Variants in TUBGCP2 observed in about 807,000 individuals in gnomAD.
TUBGCP2 encodes tubulin gamma complex component 2, also known as gamma-tubulin complex component 2.
Under a neutral mutation model 92.2 loss-of-function variants are expected in TUBGCP2, and 55 were observed. That is an observed-to-expected ratio of 0.60 (90% confidence interval 0.48 to 0.75). The LOEUF is 0.75. Among genes scored for constraint, TUBGCP2 ranks in the 30% least tolerant of loss-of-function variants. The pLI, the probability that TUBGCP2 is intolerant of heterozygous loss-of-function variation, is 0.00. For synonymous variants in TUBGCP2, 533 were observed against 505.2 expected, an observed-to-expected ratio of 1.06 and a Z score of -0.74; for missense variants, 1,093 against 1,188.9, an observed-to-expected ratio of 0.92 and a Z score of 1.19.
chr10:133,293,602 T>C lies in TUBGCP2; in HGVS notation c.784A>G (p.Arg262Gly). ...TAGCTGGCGGCCACTGGGAGGATCC[T>C]GTGCACCAGCTCCCTGATGGACAGG... ...LDLSIRELVH[R>G]ILPVAASYSA... Residue 262 changes from arginine to glycine, a missense_variant, in exon 6 of 18, where the codon AGG becomes GGG. This residue lies in a region of TUBGCP2 where 490 missense variants were observed against 488.5 expected (regional missense o/e 1.00). Coordinates refer to ENST00000252936, the MANE Select transcript of TUBGCP2 (RefSeq NM_006659.4). 1 of 1,559,952 alleles carries C rather than the reference T, an allele frequency of 6.4e-7. No individual in the cohort carries two copies.
At chr10:133,289,519 G>A (rs1446357094) in intron 9 of TUBGCP2, among the ~76,000 whole-genome samples, 7 of 152,154 alleles carry the variant, frequency 4.6e-5, no homozygotes, top group Middle Eastern at 3.2e-3. Flanking sequence ...ACATGCTAGC[G>A]GAGTTTTAGA....
At chr10:133,292,809 G>A (rs960817725) in intron 7 of TUBGCP2, 121 bp from the exon 8 acceptor site, 8 of 1,275,382 alleles carry the variant, frequency 6.3e-6, no homozygotes, top group Non-Finnish European at 7.5e-6. Flanking sequence ...CTGCTTCTTT[G>A]GGATACGTAT....
At chr10:133,301,506 C>A (rs752615960) in intron 2 of TUBGCP2, among the ~76,000 whole-genome samples, 1 of 152,120 alleles carries the variant, frequency 6.6e-6, no homozygotes, top group Non-Finnish European at 1.5e-5. Context: ...CTATTCCACT[C>A]GGCTAATTTG....
At position 133,293,741 on chromosome 10, in the gene TUBGCP2, C is replaced by T. The variant is rs923883017; in HGVS notation, c.645G>A (p.Ser215=). 23 of 1,597,188 alleles carry T rather than the reference C, an allele frequency of 1.4e-5. No individual in the cohort carries two copies. Among genetic ancestry groups the T allele is most frequent in the Non-Finnish European group, 1.8e-5 (21 of 1,173,030 alleles). ...IGTLPLASQE[S]AVVEDLLYVL... ...CGTACAGCAGGTCCTCCACCACGGC[C>T]GACTCCTGCGAGGCCAGGGGCAACG... Residue 215 remains serine, a synonymous_variant, in exon 6 of 18, where the codon TCG becomes TCA. Coordinates refer to ENST00000252936, the MANE Select transcript of TUBGCP2 (RefSeq NM_006659.4).
chr10:133,299,318 T>C (rs1847572219), intron 4 of TUBGCP2, 109 bp downstream of exon 4: 11 of 895,744 alleles, frequency 1.2e-5, no homozygotes, highest in Non-Finnish European at 1.6e-5. Context: ...CAGAGAGACA[T>C]GTCCTTCCAG....
In TUBGCP2 at chr10:133,289,868, A is replaced by G; in HGVS notation, c.1316T>C (p.Ile439Thr). The change falls in exon 9 of 18, where the codon ATC becomes ACC. Residue 439 changes from isoleucine (I) to threonine (T), a missense_variant. Around this residue, in one of 3 missense-constraint regions of TUBGCP2, gnomAD observed 598 missense variants for 675.5 expected, o/e 0.89. Coordinates refer to ENST00000252936, the MANE Select transcript of TUBGCP2 (RefSeq NM_006659.4). Reference sequence around the variant, plus strand: ...CGCCATTTTCTGCAGGAAGGACGGGATCTGCTGCTGGACGATGGTGTACCG... The same window carrying G: ...CGCCATTTTCTGCAGGAAGGACGGGGTCTGCTGCTGGACGATGGTGTACCG... ...DQRYTIVQQQ[I>T]PSFLQKMADK... 1 of 1,491,426 alleles carries G rather than the reference A, an allele frequency of 6.7e-7. No individual in the cohort carries two copies. Among genetic ancestry groups the G allele is most frequent in the Non-Finnish European group, 8.9e-7 (1 of 1,119,688 alleles). The allele number at this position is 1,491,426 out of a possible 1,614,324, so 92.4% of individuals were successfully genotyped here. A position where few individuals can be genotyped will look rare whatever the true frequency, so the allele number is the denominator to read the frequency against.
chr10:133,297,202 G>A, intron 5 of TUBGCP2: 1 of 301,322 alleles, frequency 3.3e-6, no homozygotes, highest in South Asian at 2.6e-5. Context: ...AGGAGTTCGA[G>A]ACCAGTCTGG....
chr10:133,304,965 C>T lies in TUBGCP2; in HGVS notation c.-39-1985G>A, dbSNP rs115391503. ...CCTTGCCAAGCGGACCTTGGTCTAG[C>T]GGTAGTGTCAGTGTCAAGGAAAAAC... On this transcript the variant is annotated intron_variant, in intron 1 of 17. Transcript: ENST00000252936. Among the ~76,000 whole-genome samples the T allele has an allele frequency of 5.2e-3, 787 of 152,156 alleles. 8 individuals carry two copies. Among genetic ancestry groups the T allele is most frequent in the African/African-American group, 0.017 (715 of 41,504 alleles).
intron 1 of TUBGCP2, among the ~76,000 whole-genome samples, chr10:133,307,033 G>A (rs776654433): frequency 2.0e-5 from 3 of 152,260 alleles, no homozygotes; most frequent in Non-Finnish European, 4.4e-5. Context: ...GGGTGCTCTC[G>A]CTACTTAGAG....
intron 14 of TUBGCP2, 74 bp from the exon 15 acceptor site, chr10:133,283,295 G>C (rs1847037556): frequency 6.3e-7 from 1 of 1,595,954 alleles, no homozygotes; most frequent in Admixed American, 1.7e-5. Flanking sequence ...CACGTGCTCA[G>C]TTCTGGCTTT....
chr10:133,310,325 G>A (rs1391912063), upstream of TUBGCP2: 23 of 1,611,270 alleles, frequency 1.4e-5, no homozygotes, highest in Admixed American at 3.7e-4. Context: ...GTCTGCTTTT[G>A]ATTTTAGGAA....
intron 2 of TUBGCP2, among the ~76,000 whole-genome samples, chr10:133,301,477 CAT>C (rs1204056804): frequency 6.6e-6 from 1 of 152,134 alleles, no homozygotes; most frequent in African/African-American, 2.4e-5. Context: ...ATGAACTAAA[CAT>C]GGGTGTCCCC....
intron 15 of TUBGCP2, among the ~76,000 whole-genome samples, chr10:133,282,718 C>T (rs1472062912): frequency 2.6e-5 from 4 of 152,224 alleles, no homozygotes; most frequent in African/African-American, 9.6e-5. Flanking sequence ...TCTGCACCAT[C>T]GCCAGTCGGC....
chr10:133,291,993 C>T (rs1360435824), intron 8 of TUBGCP2, among the ~76,000 whole-genome samples: 1 of 21,976 alleles, frequency 4.6e-5, no homozygotes, highest in Non-Finnish European at 9.7e-5. Context: ...CGGGAGAGGG[C>T]AGCACGCACC....
Position 133,292,945 on chromosome 10 carries a change from C to A in TUBGCP2, c.1024+94G>T, listed in dbSNP as rs541130863. On this transcript the variant is annotated intron_variant, in intron 7 of 17. Coordinates refer to ENST00000252936, the MANE Select transcript of TUBGCP2 (RefSeq NM_006659.4). ...CACACGCCCCTGCCCTGGGCAGCTG[C>A]TCCACGGCCCCTGCAGAGTCTCTCC... is the stretch of plus-strand genomic sequence containing the variant. 7 of 1,409,922 alleles carry A rather than the reference C, an allele frequency of 5.0e-6. No homozygotes were observed. In the South Asian group the frequency reaches 6.5e-5, roughly 13 times the overall value. The allele number at this position is 1,409,922 out of a possible 1,614,324, so 87.3% of individuals were successfully genotyped here.
upstream of TUBGCP2, chr10:133,310,696 T>G: frequency 4.2e-6 from 1 of 238,544 alleles, no homozygotes. Flanking sequence ...CATGCAGCCC[T>G]GGCTTTCCTT....
At chr10:133,308,575 A>T in intron 1 of TUBGCP2, 1 of 160,288 alleles carries the variant, frequency 6.2e-6, no homozygotes, top group Non-Finnish European at 1.4e-5. Flanking sequence ...GGGAGGGGAC[A>T]CCCGGGACGA....
intron 5 of TUBGCP2, among the ~76,000 whole-genome samples, chr10:133,296,158 G>T (rs1213696627): frequency 1.3e-5 from 2 of 152,220 alleles, no homozygotes; most frequent in Non-Finnish European, 2.9e-5. Context: ...AGCTGCCCAC[G>T]GCGCCGCAGC....
intron 9 of TUBGCP2, 46 bp from the exon 10 acceptor site, chr10:133,289,066 T>C: frequency 6.3e-7 from 1 of 1,580,702 alleles, no homozygotes; most frequent in East Asian, 2.2e-5. Context: ...ATGGTCGATC[T>C]CAGGCCCCAG....
Sources: allele counts gnomAD v4.1 joint callset (sites outside exome capture counted in the v4.1 genomes callset), GRCh38; gene constraint gnomAD v4.1.1; regional missense constraint gnomAD v4.1.1; transcripts MANE v1.5; gene names NCBI Gene and HGNC (gene_info 2026-07-23, HGNC 2026-07-21).